POMT1: variants seen among roughly 807,000 people sequenced by gnomAD.
POMT1 encodes protein O-mannosyltransferase 1, also known as protein O-mannosyl-transferase 1.
In POMT1, 85 loss-of-function variants were observed where a neutral mutation model predicts 101.6. The observed-to-expected ratio is 0.84, with a 90% CI of 0.70 to 1.00. The LOEUF (loss-of-function observed/expected upper bound fraction) is 1.00, where lower values mean the gene tolerates loss of function less well. POMT1 is among the 50% of genes least tolerant of loss of function. The pLI, the probability that POMT1 is intolerant of heterozygous loss-of-function variation, is 0.00. For synonymous variants in POMT1, 371 were observed against 383.0 expected (o/e 0.97, Z 0.37); for missense variants, 857 against 930.4 (o/e 0.92, Z 1.03).
chr9:131,513,343 C>T lies in POMT1; in HGVS notation c.1175+12C>T, dbSNP rs890396848. On this transcript the variant is annotated intron_variant, in intron 12 of 19. Transcript: ENST00000402686. ...CGCTCCCTGAACACGTGAGTGTGCCCGCCGTCTGCTCTGCTGCACCTGTGG... is the reference window on the plus strand; with the variant it reads ...CGCTCCCTGAACACGTGAGTGTGCCTGCCGTCTGCTCTGCTGCACCTGTGG... The T allele has an allele frequency of 1.1e-5, 17 of 1,606,940 alleles. No individual in the cohort carries two copies. Among genetic ancestry groups the T allele is most frequent in the South Asian group, 4.4e-5 (4 of 90,450 alleles).
chr9:131,514,469 C>G (rs1018592377), intron 12 of POMT1, among the ~76,000 whole-genome samples: 2 of 152,228 alleles, frequency 1.3e-5, no homozygotes, highest in Non-Finnish European at 2.9e-5. Context: ...AAAGTGCCTC[C>G]TGGGTGCTGT....
rs1488450336 is a variant in POMT1 at position 131,509,781 on chromosome 9, CA to C, written c.579del (p.Val195SerfsTer69). On this transcript the variant is annotated frameshift_variant, in exon 7 of 20. Coordinates refer to ENST00000402686, the MANE Select transcript of POMT1 (RefSeq NM_001077365.2). LOFTEE classifies it high-confidence loss of function. The stretch of plus-strand genomic sequence containing the variant: ...AGCTGGTGGTTCTGGCTAACACTGA[CA>C]GGGGTCGCTTGTTCCTGTGCAGTGG... ...SLSWWFWLTL[T>X]GVACSCAVGI... is the part of the protein sequence containing the mutation. 1 of 1,614,242 alleles carries C rather than the reference CA, an allele frequency of 6.2e-7. No individual in the cohort carries two copies. The highest frequency in any genetic ancestry group is 8.5e-7 in the Non-Finnish European group (1 of 1,180,032).
In POMT1 at chr9:131,507,313, A is replaced by G. The variant is rs750919788; in HGVS notation, c.281-55A>G. ...CTATGTGAAAGCATAGCTGCAGTAC[A>G]CAGAGATGGTGTGTGCACAGTGTAG... On this transcript the variant is annotated intron_variant, in intron 4 of 19. Coordinates refer to ENST00000402686, the MANE Select transcript of POMT1 (RefSeq NM_001077365.2). 3.1e-6 allele frequency: 5 copies of G among 1,612,634 alleles called. No individual in the cohort carries two copies. The Admixed American group carries it at 5.0e-5, about 16-fold the overall frequency.
chr9:131,515,705 ACACTTCCTCACACGGAG>A (rs1466580439), intron 13 of POMT1, among the ~76,000 whole-genome samples, 183 bp downstream of exon 13: 1 of 107,954 alleles, frequency 9.3e-6, no homozygotes, highest in African/African-American at 3.3e-5. Context: ...CTCACACGGA[ACACTTCCTCACACGGAG>A]CACTTCCTGT....
Position 131,509,739 on chromosome 9 carries a change from C to G in POMT1, c.540-4C>G, listed in dbSNP as rs1025036788. Reference sequence around the variant, plus strand: ...TGTCTCCATCTGCTTTGTTTTTATTCCAGCCCTTTTTCTCTGAGCTGGTGG... The same window carrying G: ...TGTCTCCATCTGCTTTGTTTTTATTGCAGCCCTTTTTCTCTGAGCTGGTGG... On this transcript the variant is annotated splice_region_variant and splice_polypyrimidine_tract_variant and intron_variant, in intron 6 of 19. Transcript: ENST00000402686. The G allele has an allele frequency of 1.9e-6, 3 of 1,614,078 alleles. No homozygotes were observed. Among genetic ancestry groups the G allele is most frequent in the African/African-American group, 1.3e-5 (1 of 74,928 alleles).
intron 2 of POMT1, among the ~76,000 whole-genome samples, chr9:131,505,814 T>G: frequency 6.6e-6 from 1 of 151,510 alleles, no homozygotes; most frequent in Non-Finnish European, 1.5e-5. Flanking sequence ...TCCCAGGAGG[T>G]CTTTCAGCAG....
At position 131,510,036 on chromosome 9, in the gene POMT1, A is replaced by G. The variant is rs1411789326; in HGVS notation, c.699+40A>G. 5.6e-6 allele frequency: 9 copies of G among 1,613,954 alleles called. No homozygotes were observed. In the East Asian group the frequency reaches 1.8e-4, roughly 32 times the overall value. The stretch of plus-strand genomic sequence containing the variant: ...CCAGTGCTGCATGAGGCCGGCCTGT[A>G]TGGGGCAGATGCAGATGTCACAGGG... On this transcript the variant is annotated intron_variant, in intron 8 of 19. Coordinates refer to ENST00000402686, the MANE Select transcript of POMT1 (RefSeq NM_001077365.2).
intron 12 of POMT1, among the ~76,000 whole-genome samples, chr9:131,514,208 C>CTGCGGACCG (rs1323232828): frequency 1.3e-5 from 2 of 152,212 alleles, no homozygotes; most frequent in Non-Finnish European, 2.9e-5. Context: ...TCGCAGCAGC[C>CTGCGGACCG]TGTCCGGCCT....
intron 18 of POMT1, among the ~76,000 whole-genome samples, 186 bp downstream of exon 18, chr9:131,521,658 C>T (rs530809007): frequency 1.9e-3 from 282 of 152,312 alleles, no homozygotes; most frequent in Middle Eastern, 6.8e-3. Context: ...TTCATAGGAA[C>T]CTACCCCTTA....
chr9:131,504,780 TGTGTG>T (rs1945398145), intron 2 of POMT1, among the ~76,000 whole-genome samples: 1 of 151,054 alleles, frequency 6.6e-6, no homozygotes, highest in Non-Finnish European at 1.5e-5. Flanking sequence ...TGTGTGTGTG[TGTGTG>T]TGTGTGTTTT....
At position 131,520,163 on chromosome 9, in the gene POMT1, T is replaced by C. The variant is rs1445855043; in HGVS notation, c.1668T>C (p.Asn556=). ...TGGAGTGGGTCACCCTGGACACCAA[T>C]ATTGCCTACTGGCTGCACCCCAGGA... ...SPLEWVTLDT[N]IAYWLHPRTS... is the part of the protein sequence containing the mutation. The change falls in exon 17 of 20, where the codon AAT becomes AAC. Residue 556 remains asparagine (N), a synonymous_variant. Transcript: ENST00000402686. The C allele has an allele frequency of 1.4e-5, 23 of 1,613,614 alleles. No homozygotes were observed. The highest frequency in any genetic ancestry group is 1.9e-5 in the Non-Finnish European group (22 of 1,180,006).
At chr9:131,510,857 C>T (rs1946972661) in intron 9 of POMT1, 1 of 334,436 alleles carries the variant, frequency 3.0e-6, no homozygotes, top group South Asian at 2.5e-5. Flanking sequence ...GTTTCACCCG[C>T]CTTAAGGACC....
intron 18 of POMT1, 133 bp downstream of exon 18, chr9:131,521,605 C>T (rs1949927586): frequency 4.5e-6 from 5 of 1,109,496 alleles, no homozygotes; most frequent in Non-Finnish European, 6.6e-6. Flanking sequence ...GCTAGGATTA[C>T]AGGTGTGCGC....
Position 131,513,288 on chromosome 9 carries a change from AT to A in POMT1, c.1133del (p.Met378ArgfsTer8), listed in dbSNP as rs746359296. The A allele has an allele frequency of 6.2e-7, 1 of 1,612,976 alleles. No homozygotes were observed. The highest frequency in any genetic ancestry group is 1.1e-5 in the South Asian group (1 of 91,068). On this transcript the variant is annotated frameshift_variant, in exon 12 of 20. Transcript: ENST00000402686. LOFTEE classifies it high-confidence loss of function. Reference sequence around the variant, plus strand: ...TCCGAGACCTGTGAGGCACGGGGACATGGTGCAGCTGGTCCACGGCATGACC... The same window carrying A: ...TCCGAGACCTGTGAGGCACGGGGACAGGTGCAGCTGGTCCACGGCATGACC... ...SPPRPVRHGD[M>X]VQLVHGMTTR...
At position 131,515,450 on chromosome 9, in the gene POMT1, C is replaced by A; in HGVS notation, c.1200C>A (p.Ser400Arg). The A allele has an allele frequency of 6.2e-7, 1 of 1,614,206 alleles. No individual in the cohort carries two copies. Among genetic ancestry groups the A allele is most frequent in the South Asian group, 1.1e-5 (1 of 91,092 alleles). ...GGCATGATGTTGCAGCCCCCCTGAG[C>A]CCCCATTCACAGGAGGTCTCCTGCT... ...LNTHDVAAPLSPHSQEVSCYI... is the reference protein window; with the variant it reads ...LNTHDVAAPLRPHSQEVSCYI... Residue 400 changes from serine to arginine, a missense_variant, in exon 13 of 20, where the codon AGC becomes AGA. Ser to Arg is a moderately radical substitution (Grantham distance 110). Transcript: ENST00000402686.
At chr9:131,507,673 G>A (rs1269168307) in intron 5 of POMT1, among the ~76,000 whole-genome samples, 159 bp downstream of exon 5, 9 of 152,202 alleles carry the variant, frequency 5.9e-5, no homozygotes, top group Admixed American at 1.3e-4. Context: ...GGCTGACCCC[G>A]TGGTTATGGG....
chr9:131,523,438 G>T lies in POMT1; in HGVS notation c.*332G>T, dbSNP rs1273272273. 11 of 368,908 alleles carry T rather than the reference G, an allele frequency of 3.0e-5. No homozygotes were observed. Among genetic ancestry groups the T allele is most frequent in the Non-Finnish European group, 5.2e-5 (10 of 191,814 alleles). 22.9% of individuals were successfully genotyped at this position (368,908 alleles called of 1,614,324 possible). A position where few individuals can be genotyped will look rare whatever the true frequency, so the allele number is the denominator to read the frequency against. ...AGCAGTGGAGCCTCAGCAGACCAGG[G>T]CCTGGTCCTTGCTAACTGCTGCAGG... On this transcript the variant is annotated 3_prime_UTR_variant, in exon 20 of 20. Coordinates refer to ENST00000402686, the MANE Select transcript of POMT1 (RefSeq NM_001077365.2).
chr9:131,511,626 G>A (rs939016006), intron 10 of POMT1, 159 bp downstream of exon 10: 18 of 989,822 alleles, frequency 1.8e-5, no homozygotes, highest in South Asian at 1.2e-4. Context: ...CGTGGTTCCC[G>A]GGTGTTGCTG....
chr9:131,513,228 G>A lies in POMT1; in HGVS notation c.1083-11G>A, dbSNP rs1947519485. ...GGCTCTGTGTGGTCCCGACAGCACTGTGTCTTCCAGGCACCAGCTGGTGGT... is the reference window on the plus strand; with the variant it reads ...GGCTCTGTGTGGTCCCGACAGCACTATGTCTTCCAGGCACCAGCTGGTGGT... On this transcript the variant is annotated splice_polypyrimidine_tract_variant and intron_variant, in intron 11 of 19. Transcript: ENST00000402686. 1.2e-6 allele frequency: 2 copies of A among 1,611,824 alleles called. No individual in the cohort carries two copies. The highest frequency in any genetic ancestry group is 1.1e-5 in the South Asian group (1 of 91,060).
Sources: allele counts gnomAD v4.1 joint callset (sites outside exome capture counted in the v4.1 genomes callset), GRCh38; gene constraint gnomAD v4.1.1; transcripts MANE v1.5; gene names NCBI Gene and HGNC (gene_info 2026-07-23, HGNC 2026-07-21).